Variants in GAB1 observed in about 807,000 individuals in gnomAD.
GAB1 encodes the protein GRB2-associated-binding protein 1.
GAB1 carries 19 observed loss-of-function variants against 66.5 expected under a neutral mutation model. That is an observed-to-expected ratio of 0.29 (90% CI 0.20 to 0.42). GAB1 has a LOEUF of 0.42. GAB1 is among the 10% of genes least tolerant of loss of function. GAB1 has a pLI of 1.00. For synonymous variants in GAB1, 294 were observed against 301.4 expected (o/e 0.98, Z 0.25); for missense variants, 732 against 858.5 (o/e 0.85, Z 1.84).
At chr4:143,392,423 A>C (rs1479313917) in intron 1 of GAB1, among the ~76,000 whole-genome samples, 2 of 152,196 alleles carry the variant, frequency 1.3e-5, no homozygotes, top group African/African-American at 4.8e-5. Flanking sequence ...GCGTTCATCA[A>C]AATGATTGCT....
chr4:143,339,898 C>T lies in GAB1; in HGVS notation c.72+2638C>T, dbSNP rs651157. 6.4e-3 allele frequency among the ~76,000 whole-genome samples: 971 copies of T among 152,278 alleles called. 12 individuals are homozygous for T. The highest frequency in any genetic ancestry group is 0.022 in the African/African-American group (919 of 41,548). The stretch of plus-strand genomic sequence containing the variant: ...TGGGAGAAACTAGGATTTTCTTTGC[C>T]TGGTGTAGCACTGGTGTTTTCTTTA... On this transcript the variant is annotated intron_variant, in intron 1 of 9. Transcript: ENST00000262994.
In GAB1 at chr4:143,472,822, A is replaced by C. The variant is rs539552200; in HGVS notation, c.*3633A>C. The stretch of plus-strand genomic sequence containing the variant: ...ACAGTGAGAAAGATACATGCATTCT[A>C]TGGTAACAACTACTGTCAATAACAT... On this transcript the variant is annotated 3_prime_UTR_variant, in exon 10 of 10. Coordinates refer to ENST00000262994, the MANE Select transcript of GAB1 (RefSeq NM_002039.4). 3.3e-5 allele frequency: 5 copies of C among 152,334 alleles called. No homozygotes were observed. Among genetic ancestry groups the C allele is most frequent in the Admixed American group, 1.3e-4 (2 of 15,302 alleles). 9.4% of individuals were successfully genotyped at this position (152,334 alleles called of 1,614,324 possible). A position where few individuals can be genotyped will look rare whatever the true frequency, so the allele number is the denominator to read the frequency against.
At chr4:143,439,744 T>G in intron 4 of GAB1, 58 bp from the exon 5 acceptor site, 1 of 1,186,516 alleles carries the variant, frequency 8.4e-7, no homozygotes, top group Non-Finnish European at 1.3e-6. Flanking sequence ...GTCATCCCAA[T>G]GACCCTGAGA....
At chr4:143,441,403 T>C (rs1734222873) in intron 6 of GAB1, among the ~76,000 whole-genome samples, 1 of 152,238 alleles carries the variant, frequency 6.6e-6, no homozygotes, top group South Asian at 2.1e-4. Flanking sequence ...GACCACATAA[T>C]GTTGGCATCA....
chr4:143,348,899 A>G (rs576259485), intron 1 of GAB1, among the ~76,000 whole-genome samples: 1 of 152,122 alleles, frequency 6.6e-6, no homozygotes, highest in Non-Finnish European at 1.5e-5. Context: ...CCTCTCCTCC[A>G]GGAGTCCTTG....
chr4:143,404,441 T>C (rs1731937859), intron 1 of GAB1, among the ~76,000 whole-genome samples: 1 of 152,198 alleles, frequency 6.6e-6, no homozygotes, highest in African/African-American at 2.4e-5. Context: ...TACAGTAGCA[T>C]TACACAATTT....
chr4:143,417,485 G>A, intron 2 of GAB1: 2 of 381,776 alleles, frequency 5.2e-6, no homozygotes, highest in Non-Finnish European at 1.0e-5. Context: ...TCTGCTCACT[G>A]CAACCTCTGC....
chr4:143,350,198 G>A (rs1729145331), intron 1 of GAB1: 5 of 625,358 alleles, frequency 8.0e-6, no homozygotes, highest in Non-Finnish European at 1.4e-5. Flanking sequence ...TGTATCATGG[G>A]CCCCAAGCAC....
At chr4:143,454,892 TTC>T (rs1247247858) in intron 6 of GAB1, among the ~76,000 whole-genome samples, 1 of 151,736 alleles carries the variant, frequency 6.6e-6, no homozygotes, top group South Asian at 2.1e-4. Flanking sequence ...GGAGCTGAGT[TTC>T]TCTCTCTTTT....
chr4:143,387,615 T>A (rs1338600116), intron 1 of GAB1, among the ~76,000 whole-genome samples: 3 of 152,204 alleles, frequency 2.0e-5, no homozygotes, highest in Non-Finnish European at 4.4e-5. Context: ...TGTCTTGCAT[T>A]CGATTCTTGC....
rs1258503383 is a variant in GAB1, at chr4:143,473,239, C to A, written c.*4050C>A. On this transcript the variant is annotated 3_prime_UTR_variant, in exon 10 of 10. Transcript: ENST00000262994. ...AATTTATTTCTCCCCTCTTGTTCAT[C>A]ATCTTTTGTAAAGGTCCCATTGTAG... 4 of 152,186 alleles carry A rather than the reference C, an allele frequency of 2.6e-5. No homozygotes were observed. Among genetic ancestry groups the A allele is most frequent in the Non-Finnish European group, 5.9e-5 (4 of 68,032 alleles). The allele number at this position is 152,186 out of a possible 1,614,324, so 9.4% of individuals were successfully genotyped here. A position where few individuals can be genotyped will look rare whatever the true frequency, so the allele number is the denominator to read the frequency against.
At chr4:143,368,568 CA>C (rs1192622080) in intron 1 of GAB1, among the ~76,000 whole-genome samples, 3 of 152,114 alleles carry the variant, frequency 2.0e-5, no homozygotes, top group African/African-American at 7.2e-5. Context: ...TTGTAATATA[CA>C]AGTAGTTCTT....
chr4:143,413,399 A>G (rs1732498915), intron 1 of GAB1, among the ~76,000 whole-genome samples: 1 of 152,194 alleles, frequency 6.6e-6, no homozygotes, highest in African/African-American at 2.4e-5. Flanking sequence ...ACTTTTCAAT[A>G]TTATCTAAAA....
chr4:143,453,988 G>C (rs1299396678), intron 6 of GAB1, among the ~76,000 whole-genome samples: 1 of 152,194 alleles, frequency 6.6e-6, no homozygotes, highest in South Asian at 2.1e-4. Flanking sequence ...GGCAGTCTTA[G>C]AGAATGTATT....
Position 143,433,523 on chromosome 4 carries a change from G to A in GAB1, c.400G>A (p.Ala134Thr), listed in dbSNP as rs1733784288. The A allele has an allele frequency of 6.2e-7, 1 of 1,613,896 alleles. No homozygotes were observed. The highest frequency in any genetic ancestry group is 8.5e-7 in the Non-Finnish European group (1 of 1,179,856). The change falls in exon 3 of 10, where the codon GCA becomes ACA. Residue 134 changes from alanine (A) to threonine (T), a missense_variant. Physicochemically the swap from Ala to Thr is moderately conservative, Grantham distance 58. Coordinates refer to ENST00000262994, the MANE Select transcript of GAB1 (RefSeq NM_002039.4). Reference protein sequence around the residue: ...PVKPPGSSLQAPADLPLAINT... With the variant: ...PVKPPGSSLQTPADLPLAINT... ...GAAGCCACCTGGCAGCTCTTTACAA[G>A]CACCAGCTGATTTACCTTTAGCTAT...
intron 8 of GAB1, among the ~76,000 whole-genome samples, chr4:143,465,702 A>G (rs964613508): frequency 2.0e-5 from 3 of 152,246 alleles, no homozygotes; most frequent in Admixed American, 6.5e-5. Flanking sequence ...TAGCCAATGG[A>G]GTCAAACAAA....
intron 8 of GAB1, among the ~76,000 whole-genome samples, chr4:143,463,960 T>C (rs1735640909): frequency 6.6e-6 from 1 of 152,222 alleles, no homozygotes; most frequent in African/African-American, 2.4e-5. Flanking sequence ...TGCATTTCTT[T>C]TATAGCCTTG....
At chr4:143,413,122 A>G (rs1732483655) in intron 1 of GAB1, among the ~76,000 whole-genome samples, 1 of 152,204 alleles carries the variant, frequency 6.6e-6, no homozygotes, top group Non-Finnish European at 1.5e-5. Flanking sequence ...GTATTTAAAG[A>G]TGAAGCTTCA....
At position 143,391,025 on chromosome 4, in the gene GAB1, A is replaced by C. The variant is rs147496565; in HGVS notation, c.73-24452A>C. Among the ~76,000 whole-genome samples, 393 of 152,318 alleles carry C rather than the reference A, an allele frequency of 2.6e-3. 1 individual carries two copies. The highest frequency in any genetic ancestry group is 4.8e-3 in the Non-Finnish European group (327 of 68,026). On this transcript the variant is annotated intron_variant, in intron 1 of 9. Transcript: ENST00000262994. ...ACATGGCCGCCCACATCTGGCTGCC[A>C]GAGAGGCTGAGTGGTATAATTTCTA... is the stretch of plus-strand genomic sequence containing the variant.
Sources: gnomAD v4.1 joint callset for allele counts (sites outside exome capture counted in the v4.1 genomes callset) on GRCh38, gnomAD v4.1.1 for gene constraint, MANE v1.5 for transcripts, NCBI Gene and HGNC (gene_info 2026-07-23, HGNC 2026-07-21) for gene names.